Variants in COQ2 observed in about 807,000 individuals in gnomAD.
The protein encoded by COQ2 is 4-hydroxybenzoate polyprenyltransferase, mitochondrial.
Under a neutral mutation model 35.7 loss-of-function variants are expected in COQ2, and 25 were observed. That is an observed-to-expected ratio of 0.70 (90% CI 0.51 to 0.98). COQ2 has a LOEUF of 0.98. Ranked by LOEUF, COQ2 falls within the 50% of genes least tolerant of loss-of-function variation. COQ2 has a pLI of 0.00. For missense variants in COQ2, 488 were observed against 473.5 expected, an observed-to-expected ratio of 1.03 and a Z score of -0.28; for synonymous variants, 206 against 186.2, an observed-to-expected ratio of 1.11 and a Z score of -0.86.
In COQ2 at chr4:83,284,706, C is replaced by T. The variant is rs1735420893; in HGVS notation, c.59G>A (p.Trp20Ter). 2 of 1,491,534 alleles carry T rather than the reference C, an allele frequency of 1.3e-6. No individual in the cohort carries two copies. The highest frequency in any genetic ancestry group is 8.9e-7 in the Non-Finnish European group (1 of 1,126,762). 92.4% of individuals were successfully genotyped at this position (1,491,534 alleles called of 1,614,324 possible). ...GGAGCGGCCCCGCCAGCCCGGCAGC[C>T]ACGCCAGTGCCACAGCCCGCAGGCC... ...ARGLRAVALA[W>*]LPGWRGRSFA... The change falls in exon 1 of 7, where the codon TGG becomes TAG. Residue 20 changes from tryptophan (W) to a stop codon, truncating the protein, a stop_gained. Coordinates refer to ENST00000647002, the MANE Select transcript of COQ2 (RefSeq NM_001358921.2). LOFTEE classifies it high-confidence loss of function.
At chr4:83,266,993 A>T in intron 6 of COQ2, 1 of 336,622 alleles carries the variant, frequency 3.0e-6, no homozygotes, top group Non-Finnish European at 5.8e-6. Context: ...TTCAGATATC[A>T]CTGAAATTTT....
rs571560082 is a variant in COQ2 at position 83,284,584 on chromosome 4, C to T, written c.181G>A (p.Ala61Thr). 65 of 1,548,986 alleles carry T rather than the reference C, an allele frequency of 4.2e-5. No homozygotes were observed. In the South Asian group the frequency reaches 7.1e-4, roughly 17 times the overall value. The change falls in exon 1 of 7, where the codon GCG (alanine) becomes ACG (threonine). Residue 61 changes from alanine to threonine, a missense_variant. Physicochemically the swap from Ala to Thr is moderately conservative, Grantham distance 58. Transcript: ENST00000647002. ...PRGRQLSLSAAAVVDSAPRPL... is the reference protein window; with the variant it reads ...PRGRQLSLSATAVVDSAPRPL... ...CGGGGCGCAGAGTCCACCACCGCCG[C>T]CGCGGACAAACTGAGCTGGCGCCCG...
Position 83,284,501 on chromosome 4 carries a change from C to A in COQ2, c.253+11G>T. ...TGCAAATTCCCGGGCTGCCCGCCCG[C>A]CCGCACTCACCAATGGGCTTGTCCA... is the stretch of plus-strand genomic sequence containing the variant. On this transcript the variant is annotated intron_variant, in intron 1 of 6. Coordinates refer to ENST00000647002, the MANE Select transcript of COQ2 (RefSeq NM_001358921.2). 6.4e-7 allele frequency: 1 copy of A among 1,561,562 alleles called. No homozygotes were observed. The highest frequency in any genetic ancestry group is 8.7e-7 in the Non-Finnish European group (1 of 1,155,402).
chr4:83,264,449 A>G, intron 6 of COQ2, 86 bp from the exon 7 acceptor site: 1 of 1,460,360 alleles, frequency 6.8e-7, no homozygotes, highest in Non-Finnish European at 9.0e-7. Flanking sequence ...GGAGGAGAAA[A>G]CAGCAAATAC....
chr4:83,264,109 A>G lies in COQ2; in HGVS notation c.*90T>C. On this transcript the variant is annotated 3_prime_UTR_variant, in exon 7 of 7. Transcript: ENST00000647002. ...CTAAATCTTCATCTTCAGGTTCTTA[A>G]TTCTTTAACATATTGTATCAGATTT... 2.6e-6 allele frequency: 2 copies of G among 772,556 alleles called. No individual in the cohort carries two copies. The highest frequency in any genetic ancestry group is 2.2e-5 in the South Asian group (1 of 45,168). The allele number at this position is 772,556 out of a possible 1,614,324, so 47.9% of individuals were successfully genotyped here.
At chr4:83,273,471 A>G (rs1348133858) in intron 3 of COQ2, 25 bp downstream of exon 3, 12 of 1,594,362 alleles carry the variant, frequency 7.5e-6, no homozygotes, top group African/African-American at 1.4e-5. Flanking sequence ...GATTTTATAC[A>G]TGATGTGGAA....
intron 4 of COQ2, among the ~76,000 whole-genome samples, chr4:83,270,516 T>C (rs897246237): frequency 6.6e-6 from 1 of 152,196 alleles, no homozygotes; most frequent in Admixed American, 6.5e-5. Flanking sequence ...CTTGCAAGCC[T>C]GATAACTCTC....
intron 6 of COQ2, among the ~76,000 whole-genome samples, chr4:83,266,366 T>G (rs10857221): frequency 1.4e-3 from 70 of 49,490 alleles, no homozygotes; most frequent in African/African-American, 5.8e-3. Context: ...TTTTTTTTTG[T>G]TTTTTTTTTG....
chr4:83,284,280 T>C, intron 1 of COQ2: 6 of 985,320 alleles, frequency 6.1e-6, no homozygotes, highest in Non-Finnish European at 7.2e-6. Flanking sequence ...TGTCCTGAGG[T>C]GACTCGCCCC....
chr4:83,270,984 A>T (rs1309356029), intron 4 of COQ2, among the ~76,000 whole-genome samples: 2 of 152,238 alleles, frequency 1.3e-5, no homozygotes, highest in Admixed American at 1.3e-4. Context: ...AGAAAAAGAT[A>T]AATATTCTAC....
rs74808226 is a variant in COQ2 at position 83,266,265 on chromosome 4, C to T, written c.951+1321G>A. Among the ~76,000 whole-genome samples, 805 of 152,300 alleles carry T rather than the reference C, an allele frequency of 5.3e-3. 4 individuals carry two copies. Among genetic ancestry groups the T allele is most frequent in the Non-Finnish European group, 9.3e-3 (634 of 68,022 alleles). On this transcript the variant is annotated intron_variant, in intron 6 of 6. Transcript: ENST00000647002. Reference sequence around the variant, plus strand: ...ACATCAGATTCTGATTTCCTTCATACCATGTTATGTGAGTCTTGCCTATAC... The same window carrying T: ...ACATCAGATTCTGATTTCCTTCATATCATGTTATGTGAGTCTTGCCTATAC...
Position 83,284,558 on chromosome 4 carries a change from GC to G in COQ2, c.206del (p.Arg69ProfsTer53). On this transcript the variant is annotated frameshift_variant, in exon 1 of 7. Transcript: ENST00000647002. LOFTEE classifies it high-confidence loss of function. ...TGAGGCGCAAGTACGGCTGCAGGGG[GC>G]GGGGCGCAGAGTCCACCACCGCCGC... The part of the protein sequence containing the change: ...SAAAVVDSAP[R>X]PLQPYLRLMR... 1 of 1,568,394 alleles carries G rather than the reference GC, an allele frequency of 6.4e-7. No individual in the cohort carries two copies. Among genetic ancestry groups the G allele is most frequent in the Non-Finnish European group, 8.6e-7 (1 of 1,158,762 alleles).
At chr4:83,284,433 CCGCCGCGGACAG>C in intron 1 of COQ2, 67 bp downstream of exon 1, 1 of 1,474,666 alleles carries the variant, frequency 6.8e-7, no homozygotes. Context: ...CCCCGGCCGG[CCGCCGCGGACAG>C]CTCCGCGGAG....
In COQ2 at chr4:83,276,040, TAA is replaced by T. The variant is rs202159708; in HGVS notation, c.421-2425_421-2424del. Among the ~76,000 whole-genome samples the T allele has an allele frequency of 4.2e-3, 87 of 20,678 alleles. No homozygotes were observed. In the East Asian group the frequency reaches 0.22, roughly 52 times the overall value. 13.6% of individuals were successfully genotyped at this position (20,678 alleles called of 152,430 possible). A position where few individuals can be genotyped will look rare whatever the true frequency, so the allele number is the denominator to read the frequency against. On this transcript the variant is annotated intron_variant, in intron 2 of 6. Coordinates refer to ENST00000647002, the MANE Select transcript of COQ2 (RefSeq NM_001358921.2). ...ATAATATATATTTTTATATAATATA[TAA>T]AATATATATTATATATAATATATAT... is the stretch of plus-strand genomic sequence containing the variant.
At chr4:83,284,322 G>A (rs1735398705) in intron 1 of COQ2, 190 bp downstream of exon 1, 2 of 985,054 alleles carry the variant, frequency 2.0e-6, no homozygotes, top group Admixed American at 1.2e-4. Flanking sequence ...CCAAGCTCAA[G>A]CTTTCAGGCT....
At chr4:83,264,835 TC>T (rs1578798321) in intron 6 of COQ2, among the ~76,000 whole-genome samples, 1 of 152,284 alleles carries the variant, frequency 6.6e-6, no homozygotes, top group Admixed American at 6.5e-5. Flanking sequence ...ACTCCTACCC[TC>T]CAGTTCTGGT....
intron 2 of COQ2, among the ~76,000 whole-genome samples, chr4:83,278,234 T>C (rs751197983): frequency 5.3e-5 from 8 of 152,146 alleles, no homozygotes; most frequent in Non-Finnish European, 1.2e-4. Flanking sequence ...GCATAGTTGC[T>C]AAGATAAAAA....
In COQ2 at chr4:83,284,766, G is replaced by C. The variant is rs573669024; in HGVS notation, c.-2C>G. 80 of 1,555,462 alleles carry C rather than the reference G, an allele frequency of 5.1e-5. No individual in the cohort carries two copies. In the Admixed American group the frequency reaches 1.1e-3, roughly 22 times the overall value. On this transcript the variant is annotated 5_prime_UTR_variant, in exon 1 of 7. Coordinates refer to ENST00000647002, the MANE Select transcript of COQ2 (RefSeq NM_001358921.2). ...CCCCGCGGCTCGCGAGCCCAGCATGGCGCTGGTGAGGCCGGGACGAGCTCG... is the reference window on the plus strand; with the variant it reads ...CCCCGCGGCTCGCGAGCCCAGCATGCCGCTGGTGAGGCCGGGACGAGCTCG...
intron 6 of COQ2, chr4:83,266,649 T>C (rs544907033): frequency 6.5e-6 from 1 of 153,884 alleles, no homozygotes; most frequent in South Asian, 2.0e-4. Flanking sequence ...ATAACACTGA[T>C]ATAAAAATAT....
Sources: gnomAD v4.1 joint callset for allele counts (sites outside exome capture counted in the v4.1 genomes callset) on GRCh38, gnomAD v4.1.1 for gene constraint, MANE v1.5 for transcripts, NCBI Gene and HGNC (gene_info 2026-07-23, HGNC 2026-07-21) for gene names.